The following STARD13 variants were observed in gnomAD, a reference collection of about 807,000 sequenced individuals.
STARD13 encodes the protein StAR related lipid transfer domain containing 13.
Under a neutral mutation model 106.4 loss-of-function variants are expected in STARD13, and 62 were observed. The ratio of observed to expected loss-of-function variants is 0.58; its 90% CI spans 0.48 to 0.72. STARD13 has a LOEUF of 0.72. Ranked by LOEUF, STARD13 falls within the 30% of genes least tolerant of loss-of-function variation. The probability of loss-of-function intolerance (pLI) is 0.00; values close to 1 mark genes in which losing one functional copy is unlikely to be tolerated. For missense variants in STARD13, 1,387 were observed against 1,424.0 expected (o/e 0.97, Z 0.42); for synonymous variants, 565 against 553.0 (o/e 1.02, Z -0.31).
At chr13:33,543,860 T>A in the STARD13 span, among the ~76,000 whole-genome samples, 1 of 152,220 alleles carries the variant, frequency 6.6e-6, no homozygotes, top group Non-Finnish European at 1.5e-5. Context: ...CAATAATGCT[T>A]TTTGCTGTTG....
At chr13:33,449,919 TG>T in the STARD13 span, among the ~76,000 whole-genome samples, 1 of 152,226 alleles carries the variant, frequency 6.6e-6, no homozygotes, top group Non-Finnish European at 1.5e-5. Flanking sequence ...CAACTGATTT[TG>T]TATGTTGATT....
rs771632425 is a variant in STARD13, at chr13:33,285,556, A to G, written c.83T>C (p.Leu28Ser). 1.9e-6 allele frequency: 3 copies of G among 1,613,970 alleles called. No homozygotes were observed. Among genetic ancestry groups the G allele is most frequent in the Non-Finnish European group, 2.5e-6 (3 of 1,179,926 alleles). ...SMTPEGQEMYLRFDQTTRRSP... is the reference protein window; with the variant it reads ...SMTPEGQEMYSRFDQTTRRSP... ...GCGTCTTGTAGTCTGATCAAATCGCAAGTACATCTCCTGGCCCTCAGGTGT... is the reference window on the plus strand; with the variant it reads ...GCGTCTTGTAGTCTGATCAAATCGCGAGTACATCTCCTGGCCCTCAGGTGT... The change falls in exon 1 of 14, where the codon TTG becomes TCG. Residue 28 changes from leucine (L) to serine (S), a missense_variant. Leu to Ser is a moderately radical substitution (Grantham distance 145). Coordinates refer to ENST00000336934, the MANE Select transcript of STARD13 (RefSeq NM_178006.4).
chr13:33,650,336 G>A, the STARD13 span, among the ~76,000 whole-genome samples: 2 of 148,322 alleles, frequency 1.3e-5, no homozygotes, highest in African/African-American at 5.0e-5. Context: ...GACTACAGGC[G>A]CCCGCCACTA....
the STARD13 span, among the ~76,000 whole-genome samples, chr13:33,388,117 C>T: frequency 6.6e-6 from 1 of 152,164 alleles, no homozygotes; most frequent in African/African-American, 2.4e-5. Context: ...TAGAGTTTCT[C>T]TTCCCCAACC....
At chr13:33,628,368 A>C in the STARD13 span, among the ~76,000 whole-genome samples, 2 of 152,130 alleles carry the variant, frequency 1.3e-5, no homozygotes, top group African/African-American at 4.8e-5. Context: ...TGTTCCCTCC[A>C]CATCAGAAAG....
At chr13:33,438,193 A>G in the STARD13 span, among the ~76,000 whole-genome samples, 4 of 152,218 alleles carry the variant, frequency 2.6e-5, no homozygotes, top group East Asian at 7.7e-4. Flanking sequence ...AAATAGACTT[A>G]TTATTCTAGT....
chr13:33,182,813 T>C (rs1408345715), intron 1 of STARD13, among the ~76,000 whole-genome samples: 1 of 152,194 alleles, frequency 6.6e-6, no homozygotes, highest in East Asian at 1.9e-4. Flanking sequence ...AACGTGAAAC[T>C]ATGTTCATTC....
intron 1 of STARD13, among the ~76,000 whole-genome samples, chr13:33,190,345 C>T (rs536576894): frequency 7.9e-5 from 12 of 152,120 alleles, no homozygotes; most frequent in Non-Finnish European, 1.2e-4. Flanking sequence ...TGTTTGAGCC[C>T]GGGAGGTAGA....
chr13:33,186,497 A>G (rs1885782113), intron 1 of STARD13, among the ~76,000 whole-genome samples: 1 of 152,230 alleles, frequency 6.6e-6, no homozygotes, highest in Non-Finnish European at 1.5e-5. Context: ...AACATTCCAC[A>G]GTTGACTAAA....
rs1377978076 is a variant in STARD13, at chr13:33,103,542, T to G, written c.*2051A>C. 2 of 152,658 alleles carry G rather than the reference T, an allele frequency of 1.3e-5. No homozygotes were observed. Among genetic ancestry groups the G allele is most frequent in the Non-Finnish European group, 2.9e-5 (2 of 68,038 alleles). The allele number at this position is 152,658 out of a possible 1,614,324, so 9.5% of individuals were successfully genotyped here. On this transcript the variant is annotated 3_prime_UTR_variant, in exon 14 of 14. Coordinates refer to ENST00000336934, the MANE Select transcript of STARD13 (RefSeq NM_178006.4). The stretch of plus-strand genomic sequence containing the variant: ...AGGTCCTCGTTTCTGAGTGTGGTTT[T>G]AGGCCAGCAGCATAGGCATCCCTGA...
rs111448432 is a variant in STARD13 at position 33,302,158 on chromosome 13, A to T, written c.124+48132T>A. 7.3e-3 allele frequency among the ~76,000 whole-genome samples: 1,113 copies of T among 152,292 alleles called. 13 individuals carry two copies. The highest frequency in any genetic ancestry group is 0.025 in the African/African-American group (1,043 of 41,562). On this transcript the variant is annotated intron_variant, in intron 1 of 5. Transcript: ENST00000567873. ...GGAAGAGTGCAAGAGGGAAATAATG[A>T]TGATAACAGCAACACTACCTGATGC...
chr13:33,251,319 C>T (rs947470398), intron 1 of STARD13, among the ~76,000 whole-genome samples: 2 of 152,166 alleles, frequency 1.3e-5, no homozygotes, highest in Non-Finnish European at 2.9e-5. Context: ...GGCTCTGAGC[C>T]ATTTTTGGGC....
rs374912726 is a variant in STARD13, at chr13:33,165,395, C to T, written c.265G>A (p.Val89Met). Residue 89 changes from valine (V) to methionine (M), a missense_variant, in exon 3 of 14, where the codon GTG becomes ATG. Coordinates refer to ENST00000336934, the MANE Select transcript of STARD13 (RefSeq NM_178006.4). The stretch of plus-strand genomic sequence containing the variant: ...AAATCATGATCATTCTTGACAGCCA[C>T]AATGTTGATGGGAAATTGTGAATCT... ...YEDSQFPINI[V>M]AVKNDHDFLE... The T allele has an allele frequency of 3.1e-6, 5 of 1,613,708 alleles. No individual in the cohort carries two copies. Among genetic ancestry groups the T allele is most frequent in the Non-Finnish European group, 4.2e-6 (5 of 1,179,800 alleles).
At chr13:33,647,957 T>A in the STARD13 span, among the ~76,000 whole-genome samples, 1 of 152,198 alleles carries the variant, frequency 6.6e-6, no homozygotes, top group Admixed American at 6.5e-5. Context: ...TTTAATATAG[T>A]CTTATCTCAT....
chr13:33,226,432 G>GTTC (rs1555250657), intron 1 of STARD13, among the ~76,000 whole-genome samples: 3 of 112,118 alleles, frequency 2.7e-5, no homozygotes, highest in Non-Finnish European at 5.5e-5. Context: ...TTCAAATTTA[G>GTTC]TTCTTTTTTT....
chr13:33,147,635 G>A (rs1021327842), intron 3 of STARD13, among the ~76,000 whole-genome samples: 1 of 152,178 alleles, frequency 6.6e-6, no homozygotes, highest in Non-Finnish European at 1.5e-5. Context: ...CTGATTTCAA[G>A]AGGTGCCATA....
chr13:33,553,313 C>T, the STARD13 span, among the ~76,000 whole-genome samples: 1 of 151,756 alleles, frequency 6.6e-6, no homozygotes, highest in Non-Finnish European at 1.5e-5. Flanking sequence ...GTTTAACTTA[C>T]AACTCAGAAG....
chr13:33,383,931 C>T, the STARD13 span, among the ~76,000 whole-genome samples: 7 of 151,900 alleles, frequency 4.6e-5, no homozygotes, highest in Non-Finnish European at 8.8e-5. Context: ...GTGGTTTGGC[C>T]AGCTAAATGT....
rs139016091 is a variant in STARD13, at chr13:33,255,104, C to CT, written c.169+30365_169+30366insA. ...TACCTGTCCATCTGTGTGCTCCCCCCCCCCTCAGAGGCTTGATCAGGTTCA... is the reference window on the plus strand; with the variant it reads ...TACCTGTCCATCTGTGTGCTCCCCCCTCCCCTCAGAGGCTTGATCAGGTTCA... On this transcript the variant is annotated intron_variant, in intron 1 of 13. Transcript: ENST00000336934. 1.8e-3 allele frequency among the ~76,000 whole-genome samples: 259 copies of CT among 144,890 alleles called. 5 individuals are homozygous for CT. In the South Asian group the frequency reaches 0.028, roughly 16 times the overall value.
Sources: allele counts gnomAD v4.1 joint callset (sites outside exome capture counted in the v4.1 genomes callset), GRCh38; gene constraint gnomAD v4.1.1; transcripts MANE v1.5; gene names NCBI Gene and HGNC (gene_info 2026-07-23, HGNC 2026-07-21).